The following KCNN2 variants were observed in gnomAD, a reference collection of about 807,000 sequenced individuals.
KCNN2 encodes potassium calcium-activated channel subfamily N member 2.
In KCNN2, 24 loss-of-function variants were observed where a neutral mutation model predicts 55.5. The observed-to-expected ratio is 0.43, with a 90% CI of 0.31 to 0.61. KCNN2 has a LOEUF of 0.61. Ranked by LOEUF, KCNN2 falls within the 20% of genes least tolerant of loss-of-function variation. KCNN2 has a pLI of 0.08. For missense variants in KCNN2, 754 were observed against 853.6 expected (o/e 0.88, Z 1.45); for synonymous variants, 431 against 336.1 (o/e 1.28, Z -3.09).
At chr5:114,424,323 C>T (rs909992985) in intron 3 of KCNN2, among the ~76,000 whole-genome samples, 4 of 152,088 alleles carry the variant, frequency 2.6e-5, no homozygotes, top group African/African-American at 4.8e-5. Flanking sequence ...ATGATCCTGA[C>T]CTATGAGCAC....
chr5:114,277,468 G>A (rs1342590953), intron 2 of KCNN2, among the ~76,000 whole-genome samples: 3 of 152,102 alleles, frequency 2.0e-5, no homozygotes, highest in Non-Finnish European at 4.4e-5. Flanking sequence ...TCACTTTTAG[G>A]TACACCAATC....
At chr5:114,408,813 C>A (rs1464090059) in intron 3 of KCNN2, among the ~76,000 whole-genome samples, 1 of 152,182 alleles carries the variant, frequency 6.6e-6, no homozygotes, top group African/African-American at 2.4e-5. Context: ...AACCCATTAT[C>A]ACTAAATACA....
chr5:114,082,073 G>A (rs1023232500), intron 1 of KCNN2, among the ~76,000 whole-genome samples: 1 of 152,210 alleles, frequency 6.6e-6, no homozygotes, highest in African/African-American at 2.4e-5. Flanking sequence ...GTGAAAAGAT[G>A]CTCAAGGCGG....
chr5:114,286,309 C>G (rs767366056), intron 2 of KCNN2, among the ~76,000 whole-genome samples: 12 of 152,050 alleles, frequency 7.9e-5, no homozygotes, highest in Non-Finnish European at 1.8e-4. Context: ...TGAACATGCC[C>G]TTGGTATCAG....
At chr5:114,077,009 A>G (rs1418160359) in intron 1 of KCNN2, among the ~76,000 whole-genome samples, 1 of 152,192 alleles carries the variant, frequency 6.6e-6, no homozygotes, top group Non-Finnish European at 1.5e-5. Flanking sequence ...ACTTTTTAAT[A>G]GTGATAAATG....
At chr5:114,269,907 G>A (rs1242910062) in intron 2 of KCNN2, among the ~76,000 whole-genome samples, 1 of 152,092 alleles carries the variant, frequency 6.6e-6, no homozygotes, top group East Asian at 1.9e-4. Context: ...TGAAATGGAG[G>A]GTCACCACTA....
intron 2 of KCNN2, among the ~76,000 whole-genome samples, chr5:114,383,752 G>A (rs1758198082): frequency 6.6e-6 from 1 of 152,200 alleles, no homozygotes; most frequent in Non-Finnish European, 1.5e-5. Flanking sequence ...ACAGGCATGA[G>A]CCACCATGCC....
In KCNN2 at chr5:114,300,335, T is replaced by G. The variant is rs141304646; in HGVS notation, c.-184-60610T>G. 5.9e-4 allele frequency among the ~76,000 whole-genome samples: 90 copies of G among 152,364 alleles called. 1 individual carries two copies. The East Asian group carries it at 0.016, about 27-fold the overall frequency. On this transcript the variant is annotated intron_variant, in intron 2 of 10. Transcript: ENST00000512097. ...CTCAGTGAGTGCTTTTCTGTTTTTTTCTTTCCAGGGACAACAGTCTCAGCC... is the reference window on the plus strand; with the variant it reads ...CTCAGTGAGTGCTTTTCTGTTTTTTGCTTTCCAGGGACAACAGTCTCAGCC...
At chr5:114,082,324 TAA>T (rs1330850146) in intron 1 of KCNN2, among the ~76,000 whole-genome samples, 22 of 136,828 alleles carry the variant, frequency 1.6e-4, no homozygotes, top group Non-Finnish European at 2.4e-4. Context: ...ACCGTATCTT[TAA>T]AAAAAAAAAA....
intron 2 of KCNN2, among the ~76,000 whole-genome samples, chr5:114,383,015 A>G (rs1340766923): frequency 1.3e-5 from 2 of 152,210 alleles, no homozygotes; most frequent in East Asian, 3.9e-4. Context: ...ATATGTGTCA[A>G]TTAAAAATCA....
At chr5:114,240,228 A>T (rs529485947) in intron 2 of KCNN2, among the ~76,000 whole-genome samples, 1 of 152,172 alleles carries the variant, frequency 6.6e-6, no homozygotes, top group East Asian at 1.9e-4. Context: ...AAAATGTATT[A>T]TACCAAAAAA....
At chr5:114,275,951 C>T (rs1009847134) in intron 2 of KCNN2, among the ~76,000 whole-genome samples, 2 of 152,088 alleles carry the variant, frequency 1.3e-5, no homozygotes, top group Non-Finnish European at 2.9e-5. Flanking sequence ...CTCCTGCTTT[C>T]TCTTGTGGGC....
At chr5:114,187,120 A>T (rs926995082) in intron 1 of KCNN2, among the ~76,000 whole-genome samples, 1 of 152,220 alleles carries the variant, frequency 6.6e-6, no homozygotes, top group Non-Finnish European at 1.5e-5. Context: ...TTTAATATTC[A>T]TAGTTATTAA....
intron 1 of KCNN2, 79 bp from the exon 2 acceptor site, chr5:114,363,827 G>T: frequency 4.2e-6 from 4 of 963,172 alleles, no homozygotes; most frequent in Non-Finnish European, 6.7e-6. Flanking sequence ...ACCTGTGGGG[G>T]ACTGACTGAC....
At chr5:114,325,171 T>C (rs1756691977) in intron 2 of KCNN2, among the ~76,000 whole-genome samples, 1 of 152,152 alleles carries the variant, frequency 6.6e-6, no homozygotes, top group South Asian at 2.1e-4. Flanking sequence ...TTGTTACTTA[T>C]GGTAAAATGC....
At chr5:114,344,399 T>C (rs367551133) in intron 2 of KCNN2, among the ~76,000 whole-genome samples, 86 of 152,172 alleles carry the variant, frequency 5.7e-4, no homozygotes, top group African/African-American at 2.0e-3. Flanking sequence ...GGGCTGCAAG[T>C]GTAAAGCTTC....
intron 2 of KCNN2, among the ~76,000 whole-genome samples, chr5:114,381,389 G>A (rs1318920924): frequency 1.3e-5 from 2 of 152,150 alleles, no homozygotes; most frequent in African/African-American, 4.8e-5. Flanking sequence ...CTGGTTGTAA[G>A]ACTTGGTTGA....
At chr5:114,306,645 AG>A (rs1248333818) in intron 2 of KCNN2, among the ~76,000 whole-genome samples, 2 of 152,052 alleles carry the variant, frequency 1.3e-5, no homozygotes, top group African/African-American at 2.4e-5. Context: ...TATTTAGGGC[AG>A]AAGTACCTTT....
chr5:114,469,840 C>A (rs2150121663), intron 4 of KCNN2, among the ~76,000 whole-genome samples: 1 of 152,250 alleles, frequency 6.6e-6, no homozygotes, highest in Middle Eastern at 3.4e-3. Flanking sequence ...AGGTTACTTT[C>A]ATCAGATTCT....
Sources: allele counts gnomAD v4.1 joint callset (sites outside exome capture counted in the v4.1 genomes callset), GRCh38; gene constraint gnomAD v4.1.1; transcripts MANE v1.5; gene names NCBI Gene and HGNC (gene_info 2026-07-23, HGNC 2026-07-21).